LRP4: variants seen among roughly 807,000 people sequenced by gnomAD.
LRP4 encodes low-density lipoprotein receptor-related protein 4.
In LRP4, 95 loss-of-function variants were observed where a neutral mutation model predicts 220.3. The observed-to-expected ratio is 0.43, with a 90% CI of 0.37 to 0.51. The LOEUF is 0.51. LRP4 is among the 20% of genes least tolerant of loss of function. The pLI is 0.00. For synonymous variants in LRP4, 903 were observed against 954.6 expected, an observed-to-expected ratio of 0.95 and a Z score of 1.00; for missense variants, 1,925 against 2,567.0, an observed-to-expected ratio of 0.75 and a Z score of 5.40.
Position 46,890,618 on chromosome 11 carries a change from GAATTTTTTTTTTAGA to G in LRP4, c.1698-139_1698-125del. The G allele has an allele frequency of 1.4e-6, 1 of 718,352 alleles. No homozygotes were observed. Among genetic ancestry groups the G allele is most frequent in the East Asian group, 2.7e-5 (1 of 36,944 alleles). 44.5% of individuals were successfully genotyped at this position (718,352 alleles called of 1,614,324 possible). A position where few individuals can be genotyped will look rare whatever the true frequency, so the allele number is the denominator to read the frequency against. On this transcript the variant is annotated intron_variant, in intron 13 of 37. Transcript: ENST00000378623. The surrounding 1 kb of genome is among the most constrained non-coding windows in gnomAD (Gnocchi z 5.3). ...GACTCCAATGTTTGGTCCACAGAAT[GAATTTTTTTTTTAGA>G]CGGGGTCTCATTTTGTCACCCAGGC...
chr11:46,889,704 A>G, intron 15 of LRP4, 171 bp from the exon 16 acceptor site: 1 of 914,464 alleles, frequency 1.1e-6, no homozygotes, highest in Non-Finnish European at 1.7e-6. Flanking sequence ...CACAGAGGAG[A>G]TGCCCTGTAA....
intron 1 of LRP4, among the ~76,000 whole-genome samples, chr11:46,911,588 CA>C (rs1224666465): frequency 6.9e-5 from 2 of 29,024 alleles, no homozygotes; most frequent in African/African-American, 1.4e-4. Context: ...GAACCTGTCT[CA>C]AAAAAAAAAA....
Position 46,889,437 on chromosome 11 carries a change from T to A in LRP4, c.2189A>T (p.Lys730Met). The change falls in exon 16 of 38, where the codon AAG (lysine) becomes ATG (methionine). Residue 730 changes from lysine (K) to methionine (M), a missense_variant. Transcript: ENST00000378623. ...YTCACPTGFRKISSHACAQSL... is the reference protein window; with the variant it reads ...YTCACPTGFRMISSHACAQSL... Reference sequence around the variant, plus strand: ...CTGGGCACAGGCGTGGCTGCTGATCTTGCGGAAGCCAGTGGGGCAGGCACA... The same window carrying A: ...CTGGGCACAGGCGTGGCTGCTGATCATGCGGAAGCCAGTGGGGCAGGCACA... 6.2e-7 allele frequency: 1 copy of A among 1,614,148 alleles called. No homozygotes were observed. The highest frequency in any genetic ancestry group is 1.3e-5 in the African/African-American group (1 of 75,062).
intron 19 of LRP4, among the ~76,000 whole-genome samples, chr11:46,882,636 T>C (rs957189517): frequency 1.3e-5 from 2 of 151,872 alleles, no homozygotes; most frequent in Admixed American, 1.3e-4. Context: ...ACGATTGCTT[T>C]AGCTCAGAAG....
Position 46,890,407 on chromosome 11 carries a change from G to A in LRP4, c.1785C>T (p.Thr595=), listed in dbSNP as rs757885254. 5 of 1,614,142 alleles carry A rather than the reference G, an allele frequency of 3.1e-6. No homozygotes were observed. In the East Asian group the frequency reaches 1.1e-4, roughly 36 times the overall value. Residue 595 remains threonine, a synonymous_variant, in exon 14 of 38, where the codon ACC becomes ACT. Transcript: ENST00000378623. This position sits in a 1 kb window ranked among gnomAD's most constrained non-coding sequence, Gnocchi z 5.3. ...DGSGRRIIAD[T]HLFWPNGLTI... ...TGAGGCCATTGGGCCAGAAGAGATG[G>A]GTATCGGCAATGATGCGGCGTCCAG...
In LRP4 at chr11:46,896,210, G is replaced by A. The variant is rs368744612; in HGVS notation, c.1048C>T (p.Arg350Trp). The A allele has an allele frequency of 9.9e-6, 16 of 1,613,686 alleles. No homozygotes were observed. Among genetic ancestry groups the A allele is most frequent in the Middle Eastern group, 1.7e-4 (1 of 6,052 alleles). Residue 350 changes from arginine to tryptophan, a missense_variant and splice_region_variant, in exon 9 of 38, where the codon CGG (arginine) becomes TGG (tryptophan). Physicochemically the swap from Arg to Trp is moderately radical, Grantham distance 101 (BLOSUM62 -3). Transcript: ENST00000378623. ...NSDESPQQNCRPRTGEENCNV... is the reference protein window; with the variant it reads ...NSDESPQQNCWPRTGEENCNV... ...AGGTCCGCCCACTGGGGACACTCAC[G>A]GCAATTCTGCTGTGGGCTTTCGTCG...
At chr11:46,889,860 T>C in intron 15 of LRP4, 84 bp downstream of exon 15, 1 of 1,488,860 alleles carries the variant, frequency 6.7e-7, no homozygotes. Flanking sequence ...ATGGCAACTC[T>C]AAGGGGAAGG....
chr11:46,879,346 A>G (rs1251837971), intron 20 of LRP4, 31 bp from the exon 21 acceptor site: 1 of 1,611,802 alleles, frequency 6.2e-7, no homozygotes, highest in East Asian at 2.2e-5. Context: ...TGTCATCTTC[A>G]ACAAAGTCTG....
At chr11:46,869,619 T>C (rs1940805408) in intron 31 of LRP4, among the ~76,000 whole-genome samples, 2 of 152,182 alleles carry the variant, frequency 1.3e-5, no homozygotes, top group African/African-American at 4.8e-5. Flanking sequence ...GGCAGCTTTC[T>C]TCTAAAGCAA....
Position 46,900,361 on chromosome 11 carries a change from G to C in LRP4, c.217C>G (p.Pro73Ala). The C allele has an allele frequency of 6.2e-7, 1 of 1,611,738 alleles. No individual in the cohort carries two copies. Among genetic ancestry groups the C allele is most frequent in the Non-Finnish European group, 8.5e-7 (1 of 1,177,846 alleles). Residue 73 changes from proline (P) to alanine (A), a missense_variant, in exon 3 of 38, where the codon CCT becomes GCT. By Grantham distance (27) the Pro-to-Ala change is conservative (BLOSUM62 -1). This residue lies in a region of LRP4 where 412 missense variants were observed against 505.4 expected (regional missense o/e 0.82). Coordinates refer to ENST00000378623, the MANE Select transcript of LRP4 (RefSeq NM_002334.4). Reference protein sequence around the residue: ...EDGCILPTCSPLDFHCDNGKC... With the variant: ...EDGCILPTCSALDFHCDNGKC... ...CCATTGTCACAGTGAAAGTCAAGAGGGGAACAGGTAGGTAGTACTGAATCC... is the reference window on the plus strand; with the variant it reads ...CCATTGTCACAGTGAAAGTCAAGAGCGGAACAGGTAGGTAGTACTGAATCC...
At position 46,886,078 on chromosome 11, in the gene LRP4, C is replaced by T; in HGVS notation, c.2506+13G>A. 6.2e-7 allele frequency: 1 copy of T among 1,612,334 alleles called. No homozygotes were observed. Among genetic ancestry groups the T allele is most frequent in the Non-Finnish European group, 8.5e-7 (1 of 1,178,736 alleles). ...CCAGGGAGCCAGGCAGGCCACGGCT[C>T]CCCTATGCATACCTGCATCTGTCCA... On this transcript the variant is annotated intron_variant, in intron 18 of 37. Coordinates refer to ENST00000378623, the MANE Select transcript of LRP4 (RefSeq NM_002334.4).
At chr11:46,868,829 G>T in intron 32 of LRP4, 116 bp from the exon 33 acceptor site, 1 of 1,247,872 alleles carries the variant, frequency 8.0e-7, no homozygotes, top group Non-Finnish European at 1.2e-6. Flanking sequence ...AGGGGAGGAG[G>T]AGAGATACAA....
At chr11:46,904,005 C>T (rs1030961561) in intron 1 of LRP4, among the ~76,000 whole-genome samples, 36 of 152,330 alleles carry the variant, frequency 2.4e-4, no homozygotes, top group Admixed American at 1.4e-3. Flanking sequence ...CCTGGGATGG[C>T]GTGTGAATGG....
chr11:46,909,611 CAAAAAA>C (rs71042636), intron 1 of LRP4, among the ~76,000 whole-genome samples: 187 of 46,092 alleles, frequency 4.1e-3, no homozygotes, highest in African/African-American at 9.6e-3. Flanking sequence ...GACTCCGTCT[CAAAAAA>C]AAAAAAAAAA....
chr11:46,903,501 A>G (rs1038219588), intron 1 of LRP4, among the ~76,000 whole-genome samples: 1 of 152,112 alleles, frequency 6.6e-6, no homozygotes, highest in Non-Finnish European at 1.5e-5. Flanking sequence ...CTCAAAAAAG[A>G]AAAAAAGAAA....
Position 46,909,611 on chromosome 11 carries a change from C to CAAAAAAAAA in LRP4, c.53-6691_53-6683dup, listed in dbSNP as rs71042636. On this transcript the variant is annotated intron_variant, in intron 1 of 37. Transcript: ENST00000378623. ...TGGGCGACAGAGCGAGACTCCGTCT[C>CAAAAAAAAA]AAAAAAAAAAAAAAAAAAAAAAAAA... Among the ~76,000 whole-genome samples, 9 of 46,100 alleles carry CAAAAAAAAA rather than the reference C, an allele frequency of 2.0e-4. 2 individuals are homozygous for CAAAAAAAAA. Among genetic ancestry groups the CAAAAAAAAA allele is most frequent in the Admixed American group, 3.2e-4 (1 of 3,120 alleles). 30.2% of individuals were successfully genotyped at this position (46,100 alleles called of 152,430 possible).
At chr11:46,879,387 G>A (rs1181212821) in intron 20 of LRP4, 72 bp from the exon 21 acceptor site, 4 of 1,521,536 alleles carry the variant, frequency 2.6e-6, no homozygotes, top group East Asian at 2.3e-5. Context: ...AGAGCTCACT[G>A]TGGACTCAGA....
At chr11:46,912,781 T>C (rs1941884450) in intron 1 of LRP4, among the ~76,000 whole-genome samples, 1 of 152,210 alleles carries the variant, frequency 6.6e-6, no homozygotes, top group African/African-American at 2.4e-5. Flanking sequence ...CTGTACCTGC[T>C]CTGCCCTACA....
intron 36 of LRP4, among the ~76,000 whole-genome samples, chr11:46,863,744 G>C (rs967436255): frequency 6.6e-6 from 1 of 151,986 alleles, no homozygotes; most frequent in African/African-American, 2.4e-5. Context: ...GGGCAACAGA[G>C]TGAGACTCTA....
Sources: gnomAD v4.1 joint callset for allele counts (sites outside exome capture counted in the v4.1 genomes callset) on GRCh38, gnomAD v4.1.1 for gene constraint, gnomAD v4.1.1 regional missense constraint, Gnocchi (gnomAD v3.1) non-coding constraint, MANE v1.5 for transcripts, NCBI Gene and HGNC (gene_info 2026-07-23, HGNC 2026-07-21) for gene names.